The following FAM13A variants were observed in gnomAD, a reference collection of about 807,000 sequenced individuals.
FAM13A encodes family with sequence similarity 13 member A, also known as protein FAM13A.
FAM13A carries 76 observed loss-of-function variants against 129.6 expected under a neutral mutation model. The observed-to-expected ratio is 0.59, with a 90% CI of 0.49 to 0.71. The LOEUF (loss-of-function observed/expected upper bound fraction) is 0.71, where lower values mean the gene tolerates loss of function less well. Among genes scored for constraint, FAM13A ranks in the 30% least tolerant of loss-of-function variants. The pLI is 0.00. For missense variants in FAM13A, 1,108 were observed against 1,249.3 expected (o/e 0.89, Z 1.70); for synonymous variants, 443 against 449.9 (o/e 0.98, Z 0.20).
At chr4:88,810,977 T>C (rs1232365524) in intron 7 of FAM13A, among the ~76,000 whole-genome samples, 1 of 152,186 alleles carries the variant, frequency 6.6e-6, no homozygotes, top group Non-Finnish European at 1.5e-5. Context: ...AATTAAAAAA[T>C]ACTGTTCTAG....
chr4:88,881,815 CTTAG>C (rs1023376302), intron 6 of FAM13A, among the ~76,000 whole-genome samples: 33 of 152,012 alleles, frequency 2.2e-4, no homozygotes, highest in African/African-American at 7.3e-4. Flanking sequence ...GAAGGACACA[CTTAG>C]AGAAATGTAA....
At chr4:88,750,325 C>A (rs770208282) in intron 15 of FAM13A, 99 bp downstream of exon 15, 1 of 974,220 alleles carries the variant, frequency 1.0e-6, no homozygotes, top group Non-Finnish European at 1.6e-6. Flanking sequence ...CATAGGCTCA[C>A]GACTTAATTA....
rs1322459048 is a variant in FAM13A at position 88,732,070 on chromosome 4, T to C, written c.2775A>G (p.Pro925=). The C allele has an allele frequency of 2.5e-6, 4 of 1,613,926 alleles. No homozygotes were observed. In the Admixed American group the frequency reaches 6.7e-5, roughly 27 times the overall value. ...ATTTTGATGGTATTTTATCATCCAT[T>C]GGGGAAATAAATCCATCAGCGTCAT... ...FEDDADGFIS[P]MDDKIPSKCS... Residue 925 remains proline, a synonymous_variant, in exon 22 of 24, where the codon CCA becomes CCG. Transcript: ENST00000264344.
intron 7 of FAM13A, among the ~76,000 whole-genome samples, chr4:88,825,138 A>G (rs1463182170): frequency 6.6e-6 from 1 of 152,076 alleles, no homozygotes; most frequent in Non-Finnish European, 1.5e-5. Flanking sequence ...CTGGAATCGG[A>G]ATTTCTCCTG....
intron 4 of FAM13A, among the ~76,000 whole-genome samples, chr4:88,944,351 C>G (rs369149945): frequency 6.6e-6 from 1 of 152,058 alleles, no homozygotes; most frequent in Non-Finnish European, 1.5e-5. Context: ...GACCCTAGTT[C>G]CTCTTTTAAA....
chr4:88,949,203 A>G (rs1287307168), intron 4 of FAM13A, among the ~76,000 whole-genome samples: 1 of 152,228 alleles, frequency 6.6e-6, no homozygotes, highest in Non-Finnish European at 1.5e-5. Flanking sequence ...AAGCCTAATA[A>G]GTAAATAAAG....
chr4:88,851,118 A>G lies in FAM13A; in HGVS notation c.909T>C (p.Asp303=). The change falls in exon 7 of 24, where the codon GAT becomes GAC. Residue 303 remains aspartate, a synonymous_variant. Coordinates refer to ENST00000264344, the MANE Select transcript of FAM13A (RefSeq NM_014883.4). ...GCCGCAAGCTGAGCTGAGGAATGCC[A>G]TCAGATAGCTCTGGTTGCAGTACTC... ...AHRVLQPELS[D]GIPQLSLRLS... 2 of 1,613,972 alleles carry G rather than the reference A, an allele frequency of 1.2e-6. No individual in the cohort carries two copies. The highest frequency in any genetic ancestry group is 1.7e-6 in the Non-Finnish European group (2 of 1,179,982).
intron 6 of FAM13A, among the ~76,000 whole-genome samples, chr4:88,880,796 G>GGC (rs1743426705): frequency 8.5e-6 from 1 of 118,194 alleles, no homozygotes; most frequent in Non-Finnish European, 1.8e-5. Flanking sequence ...GGGGGGGGGG[G>GGC]GCACAGTGGG....
At chr4:89,009,637 C>T (rs1433505948) in intron 3 of FAM13A, among the ~76,000 whole-genome samples, 4 of 152,172 alleles carry the variant, frequency 2.6e-5, no homozygotes, top group East Asian at 1.9e-4. Context: ...AGGCTCAAAC[C>T]ACTTCACAAC....
At chr4:88,963,583 C>T (rs926866807) in intron 4 of FAM13A, among the ~76,000 whole-genome samples, 3 of 152,150 alleles carry the variant, frequency 2.0e-5, no homozygotes, top group Non-Finnish European at 4.4e-5. Context: ...CAGGCATGAG[C>T]CACTGCACCC....
chr4:88,836,661 T>A (rs1734852530), intron 7 of FAM13A, among the ~76,000 whole-genome samples: 1 of 152,178 alleles, frequency 6.6e-6, no homozygotes, highest in African/African-American at 2.4e-5. Context: ...AAAAGTGTAG[T>A]TATATTTAAT....
At chr4:89,009,126 T>C (rs945938864) in intron 3 of FAM13A, 4 of 152,206 alleles carry the variant, frequency 2.6e-5, no homozygotes, top group African/African-American at 9.6e-5. Context: ...AGATATTTAA[T>C]AAAGTCTCCA....
At chr4:88,942,284 A>C (rs1262086346) in intron 4 of FAM13A, among the ~76,000 whole-genome samples, 3 of 152,170 alleles carry the variant, frequency 2.0e-5, no homozygotes, top group Non-Finnish European at 4.4e-5. Flanking sequence ...AATGTCAAAG[A>C]GGCTGGGTAT....
chr4:88,937,840 T>C, intron 5 of FAM13A: 1 of 545,274 alleles, frequency 1.8e-6, no homozygotes, highest in Non-Finnish European at 3.3e-6. Flanking sequence ...ACTGGGCTCA[T>C]GCAAGTGTTT....
chr4:88,954,960 C>A (rs931664597), intron 4 of FAM13A, among the ~76,000 whole-genome samples: 2 of 151,854 alleles, frequency 1.3e-5, no homozygotes, highest in Non-Finnish European at 2.9e-5. Flanking sequence ...CCACCACCAG[C>A]ATTTCCCTCT....
intron 4 of FAM13A, among the ~76,000 whole-genome samples, chr4:88,986,931 T>G (rs763155639): frequency 7.9e-5 from 12 of 152,250 alleles, no homozygotes; most frequent in Non-Finnish European, 1.6e-4. Flanking sequence ...CTAGAAGTCA[T>G]TAAGACCTAG....
intron 7 of FAM13A, among the ~76,000 whole-genome samples, chr4:88,831,284 C>T (rs965259109): frequency 2.6e-5 from 4 of 152,218 alleles, no homozygotes; most frequent in African/African-American, 9.6e-5. Flanking sequence ...TCCCACACAA[C>T]AGCTGCTACC....
intron 3 of FAM13A, among the ~76,000 whole-genome samples, chr4:88,997,389 T>C (rs568617952): frequency 6.6e-6 from 1 of 152,334 alleles, no homozygotes. Flanking sequence ...TCATTTGTTG[T>C]TGGCTTCATT....
chr4:88,756,993 C>T (rs1332156749), intron 14 of FAM13A, among the ~76,000 whole-genome samples: 2 of 152,072 alleles, frequency 1.3e-5, no homozygotes, highest in East Asian at 3.8e-4. Flanking sequence ...ACTTGGAATA[C>T]ACAATCCACT....
Sources: allele counts gnomAD v4.1 joint callset (sites outside exome capture counted in the v4.1 genomes callset), GRCh38; gene constraint gnomAD v4.1.1; transcripts MANE v1.5; gene names NCBI Gene and HGNC (gene_info 2026-07-23, HGNC 2026-07-21).